Variants in JAKMIP3 observed in about 807,000 individuals in gnomAD.
The protein encoded by JAKMIP3 is janus kinase and microtubule-interacting protein 3.
Under a neutral mutation model 118.5 loss-of-function variants are expected in JAKMIP3, and 58 were observed. That is an observed-to-expected ratio of 0.49 (90% CI 0.40 to 0.61). The LOEUF (loss-of-function observed/expected upper bound fraction) is 0.61, where lower values mean the gene tolerates loss of function less well. Ranked by LOEUF, JAKMIP3 falls within the 20% of genes least tolerant of loss-of-function variation. JAKMIP3 has a pLI of 0.00. For synonymous variants in JAKMIP3, 486 were observed against 451.2 expected (o/e 1.08, Z -0.98); for missense variants, 950 against 1,109.0 (o/e 0.86, Z 2.04).
In JAKMIP3 at chr10:132,140,462, G is replaced by T. The variant is rs1488489342; in HGVS notation, c.1356G>T (p.Val452=). 36 of 1,613,784 alleles carry T rather than the reference G, an allele frequency of 2.2e-5. No individual in the cohort carries two copies. The highest frequency in any genetic ancestry group is 3.1e-5 in the Non-Finnish European group (36 of 1,179,850). The change falls in exon 10 of 24, where the codon GTG becomes GTT. Residue 452 remains valine, a synonymous_variant. Transcript: ENST00000684848. ...ATTTTGGTCACAAGCCGGTGGTTGTGGAGACCTTCTTTGGATACGACGAAG... is the reference window on the plus strand; with the variant it reads ...ATTTTGGTCACAAGCCGGTGGTTGTTGAGACCTTCTTTGGATACGACGAAG... ...KMAKLPKPVV[V]ETFFGYDEEA...
At chr10:132,159,192 ATC>A (rs2057484855) in intron 19 of JAKMIP3, among the ~76,000 whole-genome samples, 1 of 9,240 alleles carries the variant, frequency 1.1e-4, no homozygotes, top group African/African-American at 8.8e-4. Flanking sequence ...TTGTGGGGGC[ATC>A]TCTCCCTGTG....
At chr10:132,078,621 G>C (rs1170375772) in intron 1 of JAKMIP3, among the ~76,000 whole-genome samples, 1 of 7,362 alleles carries the variant, frequency 1.4e-4, no homozygotes, top group Non-Finnish European at 1.9e-4. Flanking sequence ...TCTGGGGGCG[G>C]GGGGGGGGGG....
At chr10:132,058,087 T>A (rs2038293878) in intron 1 of JAKMIP3, among the ~76,000 whole-genome samples, 1 of 152,156 alleles carries the variant, frequency 6.6e-6, no homozygotes, top group Non-Finnish European at 1.5e-5. Flanking sequence ...GTCCGGTGTT[T>A]GGGGCTGCTT....
intron 23 of JAKMIP3, among the ~76,000 whole-genome samples, chr10:132,181,061 G>A (rs963582123): frequency 5.3e-5 from 8 of 151,938 alleles, no homozygotes; most frequent in African/African-American, 1.7e-4. Flanking sequence ...ATTGTGCATT[G>A]TGTGTACGTG....
rs1270337572 is a variant in JAKMIP3, at chr10:132,180,622, TGTGC to T, written c.*1104-1731_*1104-1728del. On this transcript the variant is annotated intron_variant, in intron 23 of 23. Coordinates refer to ENST00000684848, the MANE Select transcript of JAKMIP3 (RefSeq NM_001323087.2). ...GCGTGCGCGTGTGTGTGTGCGTGTG[TGTGC>T]GTGTGTGCGTGCGTGTGTGCGTGTG... Among the ~76,000 whole-genome samples, 37 of 43,016 alleles carry T rather than the reference TGTGC, an allele frequency of 8.6e-4. 4 individuals carry two copies. Among genetic ancestry groups the T allele is most frequent in the African/African-American group, 4.4e-3 (31 of 6,992 alleles). The allele number at this position is 43,016 out of a possible 152,430, so 28.2% of individuals were successfully genotyped here. A position where few individuals can be genotyped will look rare whatever the true frequency, so the allele number is the denominator to read the frequency against.
intron 21 of JAKMIP3, among the ~76,000 whole-genome samples, chr10:132,165,563 C>T (rs2058811298): frequency 6.6e-6 from 1 of 152,236 alleles, no homozygotes; most frequent in Non-Finnish European, 1.5e-5. Flanking sequence ...CCTTCTGCCT[C>T]ATCCTTCCGG....
intron 1 of JAKMIP3, among the ~76,000 whole-genome samples, chr10:132,041,575 G>T (rs908801917): frequency 1.3e-5 from 2 of 152,256 alleles, no homozygotes; most frequent in East Asian, 1.9e-4. Flanking sequence ...GACTTGGCTG[G>T]GGCTGGGCCA....
chr10:132,075,407 C>CT (rs375237424), intron 1 of JAKMIP3, among the ~76,000 whole-genome samples: 12,453 of 113,774 alleles, frequency 0.11, 868 homozygotes, highest in Middle Eastern at 0.19. Flanking sequence ...TACTTCACCT[C>CT]TTTTTTTTTT....
intron 1 of JAKMIP3, among the ~76,000 whole-genome samples, chr10:132,088,551 GTTGT>G (rs1174287999): frequency 3.4e-4 from 52 of 152,306 alleles, no homozygotes; most frequent in Middle Eastern, 3.4e-3. Context: ...TTGTGATGGG[GTTGT>G]TTGTTTTTTT....
At chr10:132,084,597 C>T (rs2042159565) in intron 1 of JAKMIP3, among the ~76,000 whole-genome samples, 1 of 152,146 alleles carries the variant, frequency 6.6e-6, no homozygotes, top group South Asian at 2.1e-4. Context: ...CTGGCTGGGA[C>T]TTCCAGTACT....
chr10:132,062,684 A>G (rs1247473227), upstream of JAKMIP3, among the ~76,000 whole-genome samples: 1 of 152,284 alleles, frequency 6.6e-6, no homozygotes, highest in Admixed American at 6.5e-5. Flanking sequence ...ATAGTTATGT[A>G]GTAAAAATAC....
rs199837050 is a variant in JAKMIP3 at position 132,139,182 on chromosome 10, GTGTA to G, written c.1344+1008_1344+1011del. Among the ~76,000 whole-genome samples the G allele has an allele frequency of 5.7e-4, 39 of 67,918 alleles. 1 individual carries two copies. Among genetic ancestry groups the G allele is most frequent in the East Asian group, 2.9e-3 (2 of 684 alleles). 44.6% of individuals were successfully genotyped at this position (67,918 alleles called of 152,430 possible). On this transcript the variant is annotated intron_variant, in intron 9 of 23. Transcript: ENST00000684848. ...TGTATGTACATGTGTGTATGTGTCT[GTGTA>G]TGTGTGTGTATGAGTGTGTGTGTGT...
At chr10:132,054,056 A>G (rs2038168357) in intron 1 of JAKMIP3, among the ~76,000 whole-genome samples, 1 of 143,044 alleles carries the variant, frequency 7.0e-6, no homozygotes, top group African/African-American at 2.6e-5. Context: ...AAAAAAAAAA[A>G]AAAATGCTGG....
intron 16 of JAKMIP3, among the ~76,000 whole-genome samples, chr10:132,150,648 C>T (rs2055937107): frequency 6.6e-6 from 1 of 152,156 alleles, no homozygotes; most frequent in Non-Finnish European, 1.5e-5. Flanking sequence ...ATCCATCCAT[C>T]CTCCATAATC....
chr10:132,176,744 A>T, intron 23 of JAKMIP3, among the ~76,000 whole-genome samples: 1 of 151,744 alleles, frequency 6.6e-6, no homozygotes, highest in East Asian at 1.9e-4. Flanking sequence ...CCAATCTGTG[A>T]CCTCGTGCTG....
At chr10:132,139,312 GTA>G (rs1489111623) in intron 9 of JAKMIP3, among the ~76,000 whole-genome samples, 17 of 121,454 alleles carry the variant, frequency 1.4e-4, no homozygotes, top group East Asian at 7.6e-4. Context: ...GTGTGAGTGT[GTA>G]TGTGTATGTG....
chr10:132,167,784 C>T (rs1373311774), intron 22 of JAKMIP3, among the ~76,000 whole-genome samples, 169 bp from the exon 23 acceptor site: 1 of 151,650 alleles, frequency 6.6e-6, no homozygotes, highest in Non-Finnish European at 1.5e-5. Flanking sequence ...CTGACATCCT[C>T]TCCACGCAGC....
At chr10:132,057,799 C>T (rs1003330832) in intron 1 of JAKMIP3, among the ~76,000 whole-genome samples, 17 of 152,210 alleles carry the variant, frequency 1.1e-4, no homozygotes, top group African/African-American at 4.1e-4. Flanking sequence ...CCAGTGCCGT[C>T]CTGGACAGCG....
chr10:132,096,156 A>G (rs773167392), intron 1 of JAKMIP3, among the ~76,000 whole-genome samples: 24 of 152,188 alleles, frequency 1.6e-4, no homozygotes, highest in Non-Finnish European at 3.4e-4. Flanking sequence ...GCAGTAGACA[A>G]TTGGTCTGGG....
Sources: gnomAD v4.1 joint callset for allele counts (sites outside exome capture counted in the v4.1 genomes callset) on GRCh38, gnomAD v4.1.1 for gene constraint, MANE v1.5 for transcripts, NCBI Gene and HGNC (gene_info 2026-07-23, HGNC 2026-07-21) for gene names.